The following ARAF variants were observed in gnomAD, a reference collection of about 807,000 sequenced individuals.
ARAF encodes A-Raf proto-oncogene, serine/threonine kinase, also known as serine/threonine-protein kinase A-Raf.
ARAF carries 18 observed loss-of-function variants against 48.0 expected under a neutral mutation model. That is an observed-to-expected ratio of 0.37 (90% confidence interval 0.26 to 0.56). The LOEUF (loss-of-function observed/expected upper bound fraction) is 0.56, where lower values mean the gene tolerates loss of function less well. ARAF is among the 20% of genes least tolerant of loss of function. ARAF has a pLI of 0.77. For missense variants in ARAF, 389 were observed against 543.1 expected (o/e 0.72, Z 2.82); for synonymous variants, 207 against 220.1 (o/e 0.94, Z 0.53).
intron 1 of ARAF, among the ~76,000 whole-genome samples, chrX:47,561,957 T>G (rs2057710542): frequency 2.2e-5 from 2 of 91,692 alleles, no homozygotes; most frequent in Admixed American, 1.2e-4. Context: ...CCCTTCCGCA[T>G]AGTATGTAGT....
chrX:47,570,192 A>T (rs1214014690), intron 14 of ARAF, 168 bp downstream of exon 14: 2 of 565,068 alleles, frequency 3.5e-6, no homozygotes, highest in Non-Finnish European at 5.3e-6. Flanking sequence ...ACTTACAATA[A>T]ATTCTCTGGG....
intron 5 of ARAF, 25 bp downstream of exon 5, chrX:47,565,164 G>C: frequency 9.9e-6 from 12 of 1,209,588 alleles, no homozygotes; most frequent in Non-Finnish European, 1.3e-5. Flanking sequence ...GGGTGGGTGG[G>C]GGGATGGGGA....
In ARAF at chrX:47,570,913, G is replaced by A. The variant is rs1261254398; in HGVS notation, c.1587G>A (p.Pro529=). The change falls in exon 15 of 16, where the codon CCG becomes CCA. Residue 529 remains proline, a synonymous_variant. Transcript: ENST00000377045. ...IFMVGRGYLS[P]DLSKISSNCP... is the part of the protein sequence containing the mutation. The stretch of plus-strand genomic sequence containing the variant: ...TGGTGGGCCGTGGCTATCTGTCCCC[G>A]GACCTCAGCAAAATCTCCAGCAACT... 1.7e-6 allele frequency: 2 copies of A among 1,211,309 alleles called. No homozygotes were observed. The highest frequency in any genetic ancestry group is 1.8e-5 in the South Asian group (1 of 56,918).
chrX:47,562,399 G>T (rs1224395888), intron 1 of ARAF, among the ~76,000 whole-genome samples: 4 of 107,415 alleles, frequency 3.7e-5, no homozygotes, highest in African/African-American at 1.4e-4. Flanking sequence ...GCGGGAGAAT[G>T]GCTTCAACTT....
chrX:47,567,487 C>G, intron 10 of ARAF, 55 bp downstream of exon 10: 5 of 1,121,964 alleles, frequency 4.5e-6, no homozygotes, highest in Non-Finnish European at 6.0e-6. Context: ...TGGCATCTCT[C>G]TGGGAAAAGG....
At position 47,569,586 on chromosome X, in the gene ARAF, T is replaced by C; in HGVS notation, c.1348T>C (p.Leu450=). 8.3e-7 allele frequency: 1 copy of C among 1,209,562 alleles called. No homozygotes were observed. Among genetic ancestry groups the C allele is most frequent in the East Asian group, 3.0e-5 (1 of 33,788 alleles). Residue 450 remains leucine, a synonymous_variant, in exon 13 of 16, where the codon TTG becomes CTG. Transcript: ENST00000377045. Reference sequence around the variant, plus strand: ...CACGGTGAAGATCGGTGACTTTGGCTTGGCCACAGTGAAGACTCGATGGAG... The same window carrying C: ...CACGGTGAAGATCGGTGACTTTGGCCTGGCCACAGTGAAGACTCGATGGAG... ...GLTVKIGDFG[L]ATVKTRWSGA...
At chrX:47,563,385 T>TGA in intron 3 of ARAF, 56 bp downstream of exon 3, 1 of 925,607 alleles carries the variant, frequency 1.1e-6, no homozygotes, top group Non-Finnish European at 1.5e-6. Context: ...CATCCCCTCC[T>TGA]CAGTCATTTG....
chrX:47,565,606 C>T, intron 6 of ARAF: 1 of 324,774 alleles, frequency 3.1e-6, no homozygotes. Context: ...TGAGTTAAGA[C>T]ATGTTCAGTG....
At chrX:47,568,692 T>C (rs1360941531) in intron 10 of ARAF, 26 bp from the exon 11 acceptor site, 1 of 1,204,572 alleles carries the variant, frequency 8.3e-7, no homozygotes, top group Admixed American at 2.2e-5. Context: ...CCTCCCCACC[T>C]CTGACACTGC....
At chrX:47,568,697 C>T in intron 10 of ARAF, 21 bp from the exon 11 acceptor site, 1 of 1,205,808 alleles carries the variant, frequency 8.3e-7, no homozygotes, top group East Asian at 3.0e-5. Flanking sequence ...CCACCTCTGA[C>T]ACTGCCCTCC....
intron 6 of ARAF, 160 bp downstream of exon 6, chrX:47,565,510 C>T: frequency 1.2e-6 from 1 of 863,642 alleles, no homozygotes; most frequent in African/African-American, 2.0e-5. Flanking sequence ...GGCAAGTCAC[C>T]TCATTTCTCT....
At chrX:47,569,082 A>G in intron 12 of ARAF, 49 bp downstream of exon 12, 1 of 1,149,378 alleles carries the variant, frequency 8.7e-7, no homozygotes, top group South Asian at 1.9e-5. Context: ...TCAAGGGCTT[A>G]GAAGGATGCC....
chrX:47,571,445 C>T lies in ARAF; in HGVS notation c.1809C>T (p.Arg603=), dbSNP rs1275654585. Residue 603 remains arginine (R), a synonymous_variant, in exon 16 of 16, where the codon CGC becomes CGT. Transcript: ENST00000377045. ...ELPACLLSAA[R]LVP is the part of the protein sequence containing the mutation. ...CTGCCTGCCTACTCAGCGCAGCCCGCCTTGTGCCTTAGGCCCCGCCCAAGC... is the reference window on the plus strand; with the variant it reads ...CTGCCTGCCTACTCAGCGCAGCCCGTCTTGTGCCTTAGGCCCCGCCCAAGC... The T allele has an allele frequency of 8.3e-7, 1 of 1,205,130 alleles. No individual in the cohort carries two copies. Among genetic ancestry groups the T allele is most frequent in the Non-Finnish European group, 1.1e-6 (1 of 892,350 alleles).
At chrX:47,569,115 A>G in intron 12 of ARAF, 82 bp downstream of exon 12, 1 of 1,093,348 alleles carries the variant, frequency 9.1e-7, no homozygotes, top group South Asian at 2.0e-5. Flanking sequence ...TCTGGGAATT[A>G]CAAGGGAGGG....
In ARAF at chrX:47,564,970, G is replaced by T. The variant is rs756786368; in HGVS notation, c.304-15G>T. On this transcript the variant is annotated splice_polypyrimidine_tract_variant and intron_variant, in intron 4 of 15. Coordinates refer to ENST00000377045, the MANE Select transcript of ARAF (RefSeq NM_001654.5). ...CCTTGACCAGGTCTCAAACTTCCCT[G>T]CTCTGTGGCATCAGGTACGGAAGAC... 7 of 1,211,992 alleles carry T rather than the reference G, an allele frequency of 5.8e-6. No individual in the cohort carries two copies. The highest frequency in any genetic ancestry group is 5.6e-6 in the Non-Finnish European group (5 of 895,506).
At chrX:47,568,580 T>C in intron 10 of ARAF, 138 bp from the exon 11 acceptor site, 1 of 623,512 alleles carries the variant, frequency 1.6e-6, no homozygotes, top group Non-Finnish European at 2.5e-6. Context: ...CTGGCAATGC[T>C]TTGGTCCTGA....
At chrX:47,566,957 C>T (rs199513093) in intron 8 of ARAF, 29 bp from the exon 9 acceptor site, 137 of 1,209,804 alleles carry the variant, frequency 1.1e-4, no homozygotes, top group Admixed American at 6.1e-4. Context: ...CCCCACTTAC[C>T]TCCACTCACA....
chrX:47,571,174 G>T, intron 15 of ARAF, 149 bp from the exon 16 acceptor site: 3 of 951,142 alleles, frequency 3.2e-6, no homozygotes, highest in Admixed American at 3.0e-5. Flanking sequence ...TTGGGGGTGT[G>T]TGTGTATGTG....
intron 12 of ARAF, 61 bp downstream of exon 12, chrX:47,569,094 C>T: frequency 2.7e-6 from 3 of 1,131,124 alleles, no homozygotes; most frequent in Non-Finnish European, 3.6e-6. Context: ...AAGGATGCCT[C>T]TTGTGGGGGT....
Sources: allele counts gnomAD v4.1 joint callset (sites outside exome capture counted in the v4.1 genomes callset), GRCh38; gene constraint gnomAD v4.1.1; transcripts MANE v1.5; gene names NCBI Gene and HGNC (gene_info 2026-07-23, HGNC 2026-07-21).